ZNF354A: variants seen among roughly 807,000 people sequenced by gnomAD.
ZNF354A encodes the protein epididymis luminal protein 104.
Under a neutral mutation model 53.3 loss-of-function variants are expected in ZNF354A, and 25 were observed. The observed-to-expected ratio is 0.47, with a 90% CI of 0.34 to 0.66. ZNF354A has a LOEUF of 0.66. ZNF354A is among the 30% of genes least tolerant of loss of function. The pLI is 0.01. For missense variants in ZNF354A, 586 were observed against 716.8 expected, an observed-to-expected ratio of 0.82 and a Z score of 2.08; for synonymous variants, 228 against 249.0, an observed-to-expected ratio of 0.92 and a Z score of 0.79.
At chr5:178,721,351 G>T (rs1316326617) in intron 4 of ZNF354A, among the ~76,000 whole-genome samples, 3 of 152,134 alleles carry the variant, frequency 2.0e-5, no homozygotes, top group African/African-American at 7.2e-5. Context: ...TAACACAATT[G>T]TAAGTATTTG....
At chr5:178,729,630 C>T (rs1765989660) in intron 1 of ZNF354A, among the ~76,000 whole-genome samples, 1 of 151,818 alleles carries the variant, frequency 6.6e-6, no homozygotes, top group Non-Finnish European at 1.5e-5. Flanking sequence ...AGGATCTCGG[C>T]TCACTGCAAG....
chr5:178,713,665 A>G (rs1765665700), intron 4 of ZNF354A, 44 bp from the exon 5 acceptor site: 2 of 1,506,580 alleles, frequency 1.3e-6, no homozygotes, highest in African/African-American at 1.4e-5. Flanking sequence ...GTGATATCAT[A>G]GCATCTGACT....
rs759271172 is a variant in ZNF354A, at chr5:178,712,387, G to A, written c.1491C>T (p.Asn497=). Residue 497 remains asparagine (N), a synonymous_variant, in exon 5 of 5, where the codon AAC becomes AAT. Transcript: ENST00000335815. ...MHTGERPYKC[N]ECGKTFRCNS... is the part of the protein sequence containing the mutation. ...TACACCTGAATGTTTTCCCACACTC[G>A]TTACATTTATAGGGTCTTTCTCCAG... is the stretch of plus-strand genomic sequence containing the variant. The A allele has an allele frequency of 8.1e-6, 13 of 1,613,454 alleles. No homozygotes were observed. Among genetic ancestry groups the A allele is most frequent in the African/African-American group, 1.3e-5 (1 of 74,848 alleles).
chr5:178,716,292 TGAA>T (rs911878698), intron 4 of ZNF354A, among the ~76,000 whole-genome samples: 1 of 152,210 alleles, frequency 6.6e-6, no homozygotes, highest in Non-Finnish European at 1.5e-5. Context: ...TTAAGAGTCT[TGAA>T]GACTCTTAGG....
chr5:178,729,872 G>T (rs371123603), intron 1 of ZNF354A, among the ~76,000 whole-genome samples: 2 of 143,338 alleles, frequency 1.4e-5, no homozygotes, highest in Admixed American at 7.0e-5. Context: ...CTAACACGAT[G>T]TTTCTTTTTT....
At position 178,712,967 on chromosome 5, in the gene ZNF354A, C is replaced by T; in HGVS notation, c.911G>A (p.Gly304Asp). 1.2e-6 allele frequency: 2 copies of T among 1,614,096 alleles called. No individual in the cohort carries two copies. The highest frequency in any genetic ancestry group is 1.7e-6 in the Non-Finnish European group (2 of 1,180,012). Residue 304 changes from glycine (G) to aspartate (D), a missense_variant, in exon 5 of 5, where the codon GGT (glycine) becomes GAT (aspartate). By Grantham distance (94) the Gly-to-Asp change is moderately conservative. Transcript: ENST00000335815. ...VEKSYRCKEC[G>D]KSFSRRSGLF... is the part of the protein sequence containing the mutation. The stretch of plus-strand genomic sequence containing the variant: ...GCCTGACCTTCGGCTGAAGGATTTA[C>T]CACATTCTTTACATCTGTAGGATTT...
intron 1 of ZNF354A, among the ~76,000 whole-genome samples, chr5:178,730,331 G>A (rs907311361): frequency 2.0e-5 from 3 of 152,140 alleles, no homozygotes; most frequent in African/African-American, 7.2e-5. Flanking sequence ...GGGCCCGGGA[G>A]GAAACGCCAG....
chr5:178,720,693 C>T (rs1765797478), intron 4 of ZNF354A, among the ~76,000 whole-genome samples: 1 of 152,200 alleles, frequency 6.6e-6, no homozygotes, highest in Non-Finnish European at 1.5e-5. Context: ...TGTGGTACTT[C>T]AGTATGGAGC....
At chr5:178,722,160 C>T (rs748456899) in intron 4 of ZNF354A, among the ~76,000 whole-genome samples, 4 of 152,126 alleles carry the variant, frequency 2.6e-5, no homozygotes, top group Non-Finnish European at 5.9e-5. Context: ...TGGAGTTCCT[C>T]AAGATTCAGT....
In ZNF354A at chr5:178,711,861, A is replaced by G; in HGVS notation, c.*199T>C. On this transcript the variant is annotated 3_prime_UTR_variant, in exon 5 of 5. Transcript: ENST00000335815. ...AATTGTAAATTCTTCATCTCAGGTT[A>G]TTTTTTTAAGTGTCTGACAGGCACA... 1 of 550,496 alleles carries G rather than the reference A, an allele frequency of 1.8e-6. No homozygotes were observed. Among genetic ancestry groups the G allele is most frequent in the Non-Finnish European group, 2.9e-6 (1 of 345,720 alleles). 34.1% of individuals were successfully genotyped at this position (550,496 alleles called of 1,614,324 possible).
In ZNF354A at chr5:178,711,853, C is replaced by T. The variant is rs984706007; in HGVS notation, c.*207G>A. ...ATGTCTTCAATTGTAAATTCTTCATCTCAGGTTATTTTTTTAAGTGTCTGA... is the reference window on the plus strand; with the variant it reads ...ATGTCTTCAATTGTAAATTCTTCATTTCAGGTTATTTTTTTAAGTGTCTGA... On this transcript the variant is annotated 3_prime_UTR_variant, in exon 5 of 5. Coordinates refer to ENST00000335815, the MANE Select transcript of ZNF354A (RefSeq NM_005649.3). The T allele has an allele frequency of 3.8e-6, 2 of 527,368 alleles. No homozygotes were observed. Among genetic ancestry groups the T allele is most frequent in the East Asian group, 6.7e-5 (2 of 29,980 alleles). The allele number at this position is 527,368 out of a possible 1,614,324, so 32.7% of individuals were successfully genotyped here.
chr5:178,730,401 CG>C (rs893881548), intron 1 of ZNF354A, among the ~76,000 whole-genome samples, 154 bp downstream of exon 1: 6 of 139,916 alleles, frequency 4.3e-5, no homozygotes, highest in African/African-American at 1.5e-4. Context: ...GAGCGCCCCG[CG>C]GGGGGGCGAG....
rs772910865 is a variant in ZNF354A at position 178,712,234 on chromosome 5, T to C, written c.1644A>G (p.Lys548=). The change falls in exon 5 of 5, where the codon AAA becomes AAG. Residue 548 remains lysine (K), a synonymous_variant. Transcript: ENST00000335815. The part of the protein sequence containing the change: ...IQHRRIHTGE[K]PFKCNTCGKT... ...TTCCACATGTATTACATTTAAAGGG[T>C]TTTTCTCCTGTATGAATCCTTCGAT... 24 of 1,613,954 alleles carry C rather than the reference T, an allele frequency of 1.5e-5. 1 individual carries two copies. The South Asian group carries it at 2.5e-4, about 17-fold the overall frequency.
chr5:178,717,547 C>T (rs888053937), intron 4 of ZNF354A, among the ~76,000 whole-genome samples: 1 of 150,890 alleles, frequency 6.6e-6, no homozygotes, highest in Non-Finnish European at 1.5e-5. Context: ...AGGGGCAAGG[C>T]TGAGGGGGCA....
chr5:178,724,326 G>C (rs1181385773), intron 4 of ZNF354A, among the ~76,000 whole-genome samples: 3 of 151,758 alleles, frequency 2.0e-5, no homozygotes, highest in Non-Finnish European at 4.4e-5. Flanking sequence ...CCGGGTTCAA[G>C]TGTTTCTCCT....
At chr5:178,729,790 G>C (rs1295821965) in intron 1 of ZNF354A, among the ~76,000 whole-genome samples, 1 of 151,654 alleles carries the variant, frequency 6.6e-6, no homozygotes, top group Non-Finnish European at 1.5e-5. Flanking sequence ...CAGGTGATCT[G>C]CCCGCCTTGG....
chr5:178,717,001 C>T (rs1379610899), intron 4 of ZNF354A, among the ~76,000 whole-genome samples: 1 of 146,696 alleles, frequency 6.8e-6, no homozygotes, highest in East Asian at 2.1e-4. Context: ...TTGCTTGAAC[C>T]CAGGAGGCAG....
intron 4 of ZNF354A, among the ~76,000 whole-genome samples, chr5:178,720,874 T>C (rs1765800617): frequency 6.6e-6 from 1 of 151,070 alleles, no homozygotes; most frequent in South Asian, 2.1e-4. Context: ...CCTACACTAA[T>C]AAGTCAAACT....
chr5:178,725,397 C>A lies in ZNF354A; in HGVS notation c.235G>T (p.Gly79Cys). 2 of 1,614,004 alleles carry A rather than the reference C, an allele frequency of 1.2e-6. No individual in the cohort carries two copies. The highest frequency in any genetic ancestry group is 1.7e-6 in the Non-Finnish European group (2 of 1,180,020). ...TTACCTAGAGAGGAGACGCCAGAAC[C>A]GTCTTTCTCCACCTCCCAGGGATCT... The part of the protein sequence containing the change: ...GEDPWEVEKD[G>C]SGVSSLGSKS... The change falls in exon 4 of 5, where the codon GGT (glycine) becomes TGT (cysteine). Residue 79 changes from glycine to cysteine, a missense_variant. By Grantham distance (159) the Gly-to-Cys change is radical (BLOSUM62 -3). Around this residue, in one of 2 missense-constraint regions of ZNF354A, gnomAD observed 573 missense variants for 680.1 expected, o/e 0.84. Transcript: ENST00000335815.
Sources: allele counts gnomAD v4.1 joint callset (sites outside exome capture counted in the v4.1 genomes callset), GRCh38; gene constraint gnomAD v4.1.1; regional missense constraint gnomAD v4.1.1; transcripts MANE v1.5; gene names NCBI Gene and HGNC (gene_info 2026-07-23, HGNC 2026-07-21).